The following KCNT2 variants were observed in gnomAD, a reference collection of about 807,000 sequenced individuals.
The protein encoded by KCNT2 is potassium channel subfamily T member 2.
KCNT2 carries 67 observed loss-of-function variants against 153.8 expected under a neutral mutation model. That is an observed-to-expected ratio of 0.44 (90% CI 0.36 to 0.53). The LOEUF is 0.53. Among genes scored for constraint, KCNT2 ranks in the 20% least tolerant of loss-of-function variants. The pLI is 0.00. For missense variants in KCNT2, 975 were observed against 1,354.8 expected, an observed-to-expected ratio of 0.72 and a Z score of 4.40; for synonymous variants, 500 against 458.8, an observed-to-expected ratio of 1.09 and a Z score of -1.15.
rs770556557 is a variant in KCNT2, at chr1:196,429,711, G to C, written c.685C>G (p.Leu229Val). 1 of 1,611,214 alleles carries C rather than the reference G, an allele frequency of 6.2e-7. No homozygotes were observed. Among genetic ancestry groups the C allele is most frequent in the Non-Finnish European group, 8.5e-7 (1 of 1,178,830 alleles). The change falls in exon 9 of 28, where the codon CTC becomes GTC. Residue 229 changes from leucine to valine, a missense_variant. Around this residue, in one of 6 missense-constraint regions of KCNT2, gnomAD observed 202 missense variants for 314.9 expected, o/e 0.64. Coordinates refer to ENST00000294725, the MANE Select transcript of KCNT2 (RefSeq NM_198503.5). Reference sequence around the variant, plus strand: ...ATGCAGAAATAAAGGGAGTCAAAGAGATTCAGCTTCTTTCCTATTCGTTCC... The same window carrying C: ...ATGCAGAAATAAAGGGAGTCAAAGACATTCAGCTTCTTTCCTATTCGTTCC... ...HLERIGKKLN[L>V]FDSLYFCIVT...
chr1:196,398,771 A>G, intron 12 of KCNT2, 100 bp from the exon 13 acceptor site: 1 of 591,740 alleles, frequency 1.7e-6, no homozygotes, highest in Admixed American at 3.4e-5. Flanking sequence ...ATCCATAGTT[A>G]AAACTTAAAC....
chr1:196,288,627 T>A (rs1381373326), intron 22 of KCNT2, among the ~76,000 whole-genome samples: 1 of 152,086 alleles, frequency 6.6e-6, no homozygotes, highest in African/African-American at 2.4e-5. Flanking sequence ...CAGAAACAGA[T>A]CTTATTCAGA....
rs148666027 is a variant in KCNT2, at chr1:196,280,972, T to C, written c.2798A>G (p.Asp933Gly). Reference protein sequence around the residue: ...GFLCSMKITADDLWIRTYARL... With the variant: ...GFLCSMKITAGDLWIRTYARL... ...GGCATAAGTTCTGATCCATAAGTCATCTGCAGTGATTTTCATCTATAACAC... is the reference window on the plus strand; with the variant it reads ...GGCATAAGTTCTGATCCATAAGTCACCTGCAGTGATTTTCATCTATAACAC... The change falls in exon 25 of 28, where the codon GAT (aspartate) becomes GGT (glycine). Residue 933 changes from aspartate (D) to glycine (G), a missense_variant. Asp to Gly is a moderately conservative substitution (Grantham distance 94). Around this residue, in one of 6 missense-constraint regions of KCNT2, gnomAD observed 241 missense variants for 271.1 expected, o/e 0.89. Transcript: ENST00000294725. The C allele has an allele frequency of 6.2e-7, 1 of 1,611,022 alleles. No individual in the cohort carries two copies. The highest frequency in any genetic ancestry group is 1.3e-5 in the African/African-American group (1 of 74,972).
chr1:196,294,566 G>T (rs765226998), intron 22 of KCNT2, among the ~76,000 whole-genome samples: 1 of 151,962 alleles, frequency 6.6e-6, no homozygotes, highest in African/African-American at 2.4e-5. Context: ...GAGCCACTGC[G>T]CCCGGCCAAG....
intron 26 of KCNT2, among the ~76,000 whole-genome samples, chr1:196,253,503 G>C (rs76411890): frequency 6.6e-6 from 1 of 151,220 alleles, no homozygotes; most frequent in Non-Finnish European, 1.5e-5. Flanking sequence ...TGTGTTTTCC[G>C]AATCTGTTTC....
intron 12 of KCNT2, among the ~76,000 whole-genome samples, chr1:196,410,209 T>C (rs1245851891): frequency 5.9e-5 from 9 of 151,788 alleles, no homozygotes; most frequent in Admixed American, 2.0e-4. Context: ...AAATTCCTTA[T>C]ATAGTTTTGA....
In KCNT2 at chr1:196,228,221, T is replaced by A. The variant is rs750099603; in HGVS notation, c.*3A>T. ...AGGAAAAAAGTTTCTCATTTTATTT[T>A]TATCAAAGTTGAGTTTCCTCCCGAG... On this transcript the variant is annotated 3_prime_UTR_variant, in exon 28 of 28. Coordinates refer to ENST00000294725, the MANE Select transcript of KCNT2 (RefSeq NM_198503.5). The A allele has an allele frequency of 7.6e-6, 12 of 1,579,066 alleles. No individual in the cohort carries two copies. The highest frequency in any genetic ancestry group is 1.0e-5 in the Non-Finnish European group (12 of 1,151,360).
At chr1:196,298,430 G>C (rs1028669588) in intron 22 of KCNT2, among the ~76,000 whole-genome samples, 10 of 152,252 alleles carry the variant, frequency 6.6e-5, no homozygotes, top group African/African-American at 2.4e-4. Flanking sequence ...TGATTACAAT[G>C]TTATTATGAA....
chr1:196,229,241 G>A (rs1653740317), intron 27 of KCNT2, among the ~76,000 whole-genome samples: 1 of 151,970 alleles, frequency 6.6e-6, no homozygotes, highest in Admixed American at 6.6e-5. Flanking sequence ...CTCACTTAGG[G>A]TCTCTGTGTC....
Position 196,228,209 on chromosome 1 carries a change from C to A in KCNT2, c.*15G>T. ...CAAGGTCTTTGTAGGAAAAAAGTTT[C>A]TCATTTTATTTTTATCAAAGTTGAG... On this transcript the variant is annotated 3_prime_UTR_variant, in exon 28 of 28. Transcript: ENST00000294725. 3 of 1,528,418 alleles carry A rather than the reference C, an allele frequency of 2.0e-6. No individual in the cohort carries two copies. Among genetic ancestry groups the A allele is most frequent in the Non-Finnish European group, 2.7e-6 (3 of 1,107,926 alleles). The allele number at this position is 1,528,418 out of a possible 1,614,324, so 94.7% of individuals were successfully genotyped here. A position where few individuals can be genotyped will look rare whatever the true frequency, so the allele number is the denominator to read the frequency against.
intron 1 of KCNT2, among the ~76,000 whole-genome samples, chr1:196,501,148 T>G (rs1363779979): frequency 6.6e-6 from 1 of 152,162 alleles, no homozygotes; most frequent in Non-Finnish European, 1.5e-5. Flanking sequence ...TATGGAGATT[T>G]TGCAAAGAAC....
intron 1 of KCNT2, among the ~76,000 whole-genome samples, chr1:196,577,098 T>C (rs1661461602): frequency 6.6e-6 from 1 of 152,152 alleles, no homozygotes. Flanking sequence ...AAATATGGTA[T>C]TCTGTAAGAA....
intron 14 of KCNT2, among the ~76,000 whole-genome samples, chr1:196,368,359 A>G (rs1354509840): frequency 6.6e-6 from 1 of 152,166 alleles, no homozygotes; most frequent in African/African-American, 2.4e-5. Flanking sequence ...ATTAAAAGCA[A>G]ACAAAAATAG....
intron 8 of KCNT2, among the ~76,000 whole-genome samples, chr1:196,465,009 A>G (rs1018978521): frequency 2.0e-5 from 3 of 152,024 alleles, no homozygotes; most frequent in Middle Eastern, 3.2e-3. Flanking sequence ...TTTGACAACT[A>G]TGGGATGCAA....
At chr1:196,500,204 G>C (rs1194503565) in intron 1 of KCNT2, among the ~76,000 whole-genome samples, 1 of 142,918 alleles carries the variant, frequency 7.0e-6, no homozygotes, top group Non-Finnish European at 1.5e-5. Flanking sequence ...GGGAAGGAGG[G>C]GGAGAGAGAG....
At chr1:196,251,201 C>T (rs1001455361) in intron 26 of KCNT2, among the ~76,000 whole-genome samples, 1 of 152,002 alleles carries the variant, frequency 6.6e-6, no homozygotes, top group African/African-American at 2.4e-5. Context: ...TTGGAAGCAA[C>T]CTAAGTTTCA....
intron 11 of KCNT2, 78 bp from the exon 12 acceptor site, chr1:196,423,191 G>C (rs576327129): frequency 1.1e-6 from 1 of 926,598 alleles, no homozygotes; most frequent in South Asian, 1.5e-5. Context: ...TTTCAGTCTT[G>C]AGTCCATATA....
intron 14 of KCNT2, among the ~76,000 whole-genome samples, chr1:196,363,099 C>T (rs1001608772): frequency 6.6e-6 from 1 of 151,984 alleles, no homozygotes; most frequent in Middle Eastern, 3.2e-3. Context: ...TTTTCTCTTT[C>T]CTTCTATATT....
intron 12 of KCNT2, among the ~76,000 whole-genome samples, chr1:196,413,565 TA>T (rs1377006471): frequency 6.6e-6 from 1 of 151,530 alleles, no homozygotes; most frequent in Non-Finnish European, 1.5e-5. Flanking sequence ...TACCATCGTA[TA>T]AAAAAAATTC....
Sources: gnomAD v4.1 joint callset for allele counts (sites outside exome capture counted in the v4.1 genomes callset) on GRCh38, gnomAD v4.1.1 for gene constraint, gnomAD v4.1.1 regional missense constraint, MANE v1.5 for transcripts, NCBI Gene and HGNC (gene_info 2026-07-23, HGNC 2026-07-21) for gene names.